Variants in ZNF600 observed in about 807,000 individuals in gnomAD.
The protein encoded by ZNF600 is zinc finger protein KR-ZNF1.
Under a neutral mutation model 7.3 loss-of-function variants are expected in ZNF600, and 4 were observed. That is an observed-to-expected ratio of 0.55 (90% CI 0.27 to 1.25). The LOEUF (loss-of-function observed/expected upper bound fraction) is 1.25. ZNF600 is among the 50% of genes most tolerant of loss of function. The pLI, the probability that ZNF600 is intolerant of heterozygous loss-of-function variation, is 0.12. For missense variants in ZNF600, 911 were observed against 922.1 expected (o/e 0.99, Z 0.16); for synonymous variants, 290 against 308.9 (o/e 0.94, Z 0.64).
chr19:52,800,775 C>T, the ZNF600 span: 2 of 1,614,102 alleles, frequency 1.2e-6, no homozygotes, highest in South Asian at 1.1e-5. Flanking sequence ...ACATTCATTA[C>T]ACTTGTAAGG....
At chr19:52,812,364 G>A in the ZNF600 span, among the ~76,000 whole-genome samples, 1 of 141,170 alleles carries the variant, frequency 7.1e-6, no homozygotes, top group Admixed American at 6.9e-5. Flanking sequence ...TCGGATGATT[G>A]CCGGGTCTGT....
At chr19:52,830,395 G>A in the ZNF600 span, among the ~76,000 whole-genome samples, 1 of 152,168 alleles carries the variant, frequency 6.6e-6, no homozygotes, top group Non-Finnish European at 1.5e-5. Context: ...TACAGTAAGT[G>A]AGGGACAAAC....
chr19:52,820,358 C>A, the ZNF600 span, among the ~76,000 whole-genome samples: 1 of 137,378 alleles, frequency 7.3e-6, no homozygotes, highest in Non-Finnish European at 1.5e-5. Context: ...ACCTCATGAT[C>A]CACCCGCCTC....
chr19:52,805,056 C>G, the ZNF600 span: 1 of 151,918 alleles, frequency 6.6e-6, no homozygotes, highest in African/African-American at 2.4e-5. Flanking sequence ...ATCACAAGGT[C>G]AGGAGATTGA....
the ZNF600 span, among the ~76,000 whole-genome samples, chr19:52,816,394 G>A: frequency 1.4e-3 from 202 of 146,272 alleles, 28 homozygotes; most frequent in African/African-American, 5.2e-3. Context: ...GCCGGGCGCG[G>A]TGGCTCAAGC....
At chr19:52,803,714 C>T in the ZNF600 span, among the ~76,000 whole-genome samples, 1 of 152,096 alleles carries the variant, frequency 6.6e-6, no homozygotes, top group Admixed American at 6.6e-5. Flanking sequence ...TGCCTGTAAT[C>T]CCAGCACTTT....
intron 1 of ZNF600, among the ~76,000 whole-genome samples, chr19:52,784,074 T>A (rs1368435146): frequency 6.8e-6 from 1 of 147,192 alleles, no homozygotes; most frequent in East Asian, 2.0e-4. Context: ...AAACTCCACC[T>A]CAAAAAAAAA....
the ZNF600 span, among the ~76,000 whole-genome samples, chr19:52,810,943 A>G: frequency 1.4e-4 from 18 of 124,716 alleles, 1 homozygote; most frequent in Admixed American, 9.8e-4. Context: ...ATGCCGAGCC[A>G]AAGCTGGACG....
chr19:52,773,052 CG>C (rs1313574361), intron 3 of ZNF600, among the ~76,000 whole-genome samples: 3 of 151,852 alleles, frequency 2.0e-5, no homozygotes, highest in Non-Finnish European at 2.9e-5. Context: ...GAGGGGCTCA[CG>C]GGGAAATTGG....
At chr19:52,786,905 C>CA (rs574684850), upstream of ZNF600, 1,046 of 172,762 alleles carry the variant, frequency 6.1e-3, 15 homozygotes, top group Non-Finnish European at 6.1e-3. Flanking sequence ...GGGACCTGTG[C>CA]TTCTCAGCCT....
At position 52,766,686 on chromosome 19, in the gene ZNF600, G is replaced by A. The variant is rs2062582728; in HGVS notation, c.1277C>T (p.Thr426Ile). ...CTTGCCACACTCATTACACTTGTAA[G>A]TTTTCTCTCCAGTGTGAATTCTTTT... Residue 426 changes from threonine to isoleucine, a missense_variant, in exon 4 of 4, where the codon ACT becomes ATT. Coordinates refer to ENST00000648973, the Ensembl canonical transcript of ZNF600. The A allele has an allele frequency of 1.9e-6, 3 of 1,614,102 alleles. No individual in the cohort carries two copies. In the South Asian group the frequency reaches 3.3e-5, roughly 18 times the overall value.
the ZNF600 span, among the ~76,000 whole-genome samples, chr19:52,828,306 C>T: frequency 0.022 from 3,322 of 152,074 alleles, 121 homozygotes; most frequent in African/African-American, 0.075. Flanking sequence ...CCCACCTCAA[C>T]CCCCCAAAGT....
chr19:52,797,799 CAT>C, the ZNF600 span: 2 of 152,184 alleles, frequency 1.3e-5, no homozygotes, highest in South Asian at 2.1e-4. Context: ...ACACAATACT[CAT>C]AGAAATCCCC....
the ZNF600 span, chr19:52,800,492 T>C: frequency 0.053 from 85,593 of 1,612,960 alleles, 4,877 homozygotes; most frequent in African/African-American, 0.19. Flanking sequence ...CAAGAGTTGA[T>C]TGTTGATTAA....
the ZNF600 span, among the ~76,000 whole-genome samples, chr19:52,831,288 A>C: frequency 6.6e-6 from 1 of 152,034 alleles, no homozygotes; most frequent in East Asian, 1.9e-4. Context: ...AATAACAATC[A>C]TAATAATAAT....
Position 52,766,789 on chromosome 19 carries a change from TTC to T in ZNF600, c.1172_1173del (p.Arg391AsnfsTer11). On this transcript the variant is annotated frameshift_variant, in exon 4 of 4. Coordinates refer to ENST00000648973, the Ensembl canonical transcript of ZNF600. LOFTEE classifies it low-confidence loss of function (END_TRUNC). ...TTGTATGGTTTCTCTCCAGTATGAA[TTC>T]TCTTATGTGACTCAAGGGTTGATTT... The T allele has an allele frequency of 6.2e-7, 1 of 1,614,080 alleles. No homozygotes were observed. The highest frequency in any genetic ancestry group is 8.5e-7 in the Non-Finnish European group (1 of 1,180,016).
the ZNF600 span, chr19:52,810,454 CAA>C: frequency 6.3e-7 from 1 of 1,596,772 alleles, no homozygotes; most frequent in Non-Finnish European, 8.6e-7. Flanking sequence ...ATAGAGTTCT[CAA>C]AGAGTCAGTG....
the ZNF600 span, among the ~76,000 whole-genome samples, chr19:52,812,308 T>C: frequency 7.1e-6 from 1 of 140,248 alleles, no homozygotes; most frequent in East Asian, 2.0e-4. Context: ...ACAATGGCGG[T>C]TTTGTGGAAT....
chr19:52,809,848 G>C, the ZNF600 span: 14 of 581,750 alleles, frequency 2.4e-5, no homozygotes, highest in Non-Finnish European at 4.2e-5. Context: ...GGTGGCGGTG[G>C]TGGCAGTAGC....
Sources: allele counts gnomAD v4.1 joint callset (sites outside exome capture counted in the v4.1 genomes callset), GRCh38; gene constraint gnomAD v4.1.1; transcripts MANE v1.5; gene names NCBI Gene and HGNC (gene_info 2026-07-23, HGNC 2026-07-21).